The following ZNF280D variants were observed in gnomAD, a reference collection of about 807,000 sequenced individuals.
ZNF280D encodes the protein suppressor of hairy wing homolog 4.
A neutral mutation model predicts 94.7 loss-of-function variants in ZNF280D; 39 were observed. That is an observed-to-expected ratio of 0.41 (90% CI 0.32 to 0.54). The LOEUF is 0.54. Ranked by LOEUF, ZNF280D falls within the 20% of genes least tolerant of loss-of-function variation. The pLI is 0.22. For missense variants in ZNF280D, 1,090 were observed against 1,149.3 expected (o/e 0.95, Z 0.75); for synonymous variants, 398 against 377.6 (o/e 1.05, Z -0.63).
chr15:56,649,966 CCA>C (rs2053114095), intron 19 of ZNF280D, among the ~76,000 whole-genome samples: 1 of 151,920 alleles, frequency 6.6e-6, no homozygotes, highest in African/African-American at 2.4e-5. Flanking sequence ...GAGAATAGGT[CCA>C]GATTCTCTTC....
intron 13 of ZNF280D, among the ~76,000 whole-genome samples, chr15:56,672,458 T>G (rs1472541488): frequency 1.3e-5 from 2 of 152,128 alleles, no homozygotes; most frequent in African/African-American, 4.8e-5. Flanking sequence ...TTGTCTTTAG[T>G]TCTGTTTGTG....
intron 17 of ZNF280D, among the ~76,000 whole-genome samples, chr15:56,657,725 T>C (rs1294862769): frequency 6.6e-6 from 1 of 152,102 alleles, no homozygotes; most frequent in Non-Finnish European, 1.5e-5. Flanking sequence ...TAATAAAAAG[T>C]GTTGGCAAAT....
chr15:56,654,821 T>C (rs1390145611), intron 17 of ZNF280D: 3 of 475,352 alleles, frequency 6.3e-6, no homozygotes, highest in Non-Finnish European at 1.3e-5. Flanking sequence ...GCAAGTCACA[T>C]TCTATTTGTC....
chr15:56,682,773 T>C (rs781002803), intron 9 of ZNF280D, among the ~76,000 whole-genome samples: 2 of 152,058 alleles, frequency 1.3e-5, no homozygotes, highest in Non-Finnish European at 2.9e-5. Flanking sequence ...TAGATGTAAA[T>C]ATTTAATAAT....
At chr15:56,719,107 T>C (rs2058201164) in intron 1 of ZNF280D, among the ~76,000 whole-genome samples, 1 of 152,144 alleles carries the variant, frequency 6.6e-6, no homozygotes, top group South Asian at 2.1e-4. Context: ...GTCTCAGCTA[T>C]CAATTCTCAA....
intron 1 of ZNF280D, chr15:56,732,667 A>T (rs1346203561): frequency 2.0e-5 from 3 of 152,134 alleles, no homozygotes; most frequent in African/African-American, 7.2e-5. Flanking sequence ...CCGTGCTTGC[A>T]GAAGCGGGTT....
At chr15:56,657,534 G>A (rs894985382) in intron 17 of ZNF280D, among the ~76,000 whole-genome samples, 6 of 152,054 alleles carry the variant, frequency 3.9e-5, no homozygotes, top group Non-Finnish European at 5.9e-5. Flanking sequence ...AATTCAGCAA[G>A]AGAACAATGG....
chr15:56,682,499 A>AC, intron 9 of ZNF280D, 22 bp from the exon 10 acceptor site: 2 of 1,450,386 alleles, frequency 1.4e-6, no homozygotes, highest in Non-Finnish European at 1.8e-6. Flanking sequence ...AAAAAAAAAA[A>AC]AAAAACAAGC....
chr15:56,708,946 G>A (rs1317991105), intron 1 of ZNF280D, among the ~76,000 whole-genome samples: 1 of 152,104 alleles, frequency 6.6e-6, no homozygotes, highest in African/African-American at 2.4e-5. Context: ...ACCTAGGCAT[G>A]GGCAAGGACT....
chr15:56,631,996 A>C lies in ZNF280D; in HGVS notation c.2442T>G (p.Leu814=). 1 of 1,614,042 alleles carries C rather than the reference A, an allele frequency of 6.2e-7. No individual in the cohort carries two copies. Among genetic ancestry groups the C allele is most frequent in the Non-Finnish European group, 8.5e-7 (1 of 1,180,004 alleles). The change falls in exon 22 of 22, where the codon CTT becomes CTG. Residue 814 remains leucine, a synonymous_variant. Coordinates refer to ENST00000267807, the MANE Select transcript of ZNF280D (RefSeq NM_017661.4). ...TTTTTGAGCCAGTTTCCTGGTCTGC[A>C]AGACAGGTTTCATTTTCCTTATCTG... The part of the protein sequence containing the change: ...TVSDKENETC[L]ADQETGSKNI...
chr15:56,634,734 A>C (rs780613785), intron 21 of ZNF280D, among the ~76,000 whole-genome samples: 3 of 152,126 alleles, frequency 2.0e-5, no homozygotes, highest in Non-Finnish European at 1.5e-5. Context: ...CATTCTACCA[A>C]AGTATGAAAA....
chr15:56,723,065 CTGGGG>C (rs2058451989), intron 1 of ZNF280D, among the ~76,000 whole-genome samples: 1 of 118,480 alleles, frequency 8.4e-6, no homozygotes. Flanking sequence ...ACATCACACT[CTGGGG>C]ACTATTGTGG....
intron 6 of ZNF280D, among the ~76,000 whole-genome samples, chr15:56,693,986 G>A (rs2056577204): frequency 1.3e-5 from 2 of 152,046 alleles, no homozygotes; most frequent in Non-Finnish European, 2.9e-5. Flanking sequence ...AGAATGCCAG[G>A]CAGACAGGGT....
chr15:56,688,296 T>A (rs2056176342), intron 9 of ZNF280D, among the ~76,000 whole-genome samples: 1 of 151,674 alleles, frequency 6.6e-6, no homozygotes, highest in African/African-American at 2.4e-5. Context: ...ATCGAGACCA[T>A]CCTGGCTAAC....
chr15:56,719,753 A>C, intron 1 of ZNF280D, among the ~76,000 whole-genome samples: 1 of 152,138 alleles, frequency 6.6e-6, no homozygotes, highest in East Asian at 1.9e-4. Context: ...ATTGCAATAA[A>C]GCAAGTCACA....
At chr15:56,690,116 C>T (rs2056338963) in intron 7 of ZNF280D, among the ~76,000 whole-genome samples, 1 of 152,170 alleles carries the variant, frequency 6.6e-6, no homozygotes, top group African/African-American at 2.4e-5. Flanking sequence ...GGCACGGTGG[C>T]TCACGCCTGT....
intron 1 of ZNF280D, among the ~76,000 whole-genome samples, chr15:56,717,347 C>G (rs2058099629): frequency 6.6e-6 from 1 of 151,944 alleles, no homozygotes. Flanking sequence ...CCTAAAAAAC[C>G]TGAGACTATA....
At chr15:56,704,292 A>C (rs769577606) in intron 3 of ZNF280D, 25 bp from the exon 4 acceptor site, 2 of 1,582,940 alleles carry the variant, frequency 1.3e-6, no homozygotes, top group East Asian at 4.5e-5. Context: ...GAGAGAAGTA[A>C]ACCTCATTTT....
intron 16 of ZNF280D, 95 bp from the exon 17 acceptor site, chr15:56,658,581 G>T (rs2140746120): frequency 1.2e-6 from 1 of 810,894 alleles, no homozygotes; most frequent in Non-Finnish European, 1.9e-6. Context: ...TTTCTAGTTT[G>T]TAATAAAAGA....
Sources: allele counts gnomAD v4.1 joint callset (sites outside exome capture counted in the v4.1 genomes callset), GRCh38; gene constraint gnomAD v4.1.1; transcripts MANE v1.5; gene names NCBI Gene and HGNC (gene_info 2026-07-23, HGNC 2026-07-21).